Variants in CTNNA3 observed in about 807,000 individuals in gnomAD.
CTNNA3 encodes the protein catenin alpha-3.
In CTNNA3, 76 loss-of-function variants were observed where a neutral mutation model predicts 95.7. The ratio of observed to expected loss-of-function variants is 0.79; its 90% CI spans 0.66 to 0.96. CTNNA3 has a LOEUF of 0.96. Ranked by LOEUF, CTNNA3 falls within the 40% of genes least tolerant of loss-of-function variation. The pLI, the probability that CTNNA3 is intolerant of heterozygous loss-of-function variation, is 0.00. For missense variants in CTNNA3, 1,191 were observed against 1,089.8 expected (o/e 1.09, Z -1.31); for synonymous variants, 431 against 374.4 (o/e 1.15, Z -1.74).
At chr10:67,549,085 G>GT (rs1041272072) in intron 3 of CTNNA3, among the ~76,000 whole-genome samples, 4 of 151,810 alleles carry the variant, frequency 2.6e-5, no homozygotes, top group South Asian at 2.1e-4. Flanking sequence ...CTTTGAATAA[G>GT]TTTTTTTTAT....
intron 17 of CTNNA3, among the ~76,000 whole-genome samples, chr10:65,922,522 A>C (rs1035602181): frequency 6.6e-6 from 1 of 152,202 alleles, no homozygotes; most frequent in African/African-American, 2.4e-5. Context: ...CAATACACAT[A>C]TCAATAAGGC....
chr10:66,613,994 C>T (rs549468076), intron 10 of CTNNA3, among the ~76,000 whole-genome samples: 4 of 152,146 alleles, frequency 2.6e-5, no homozygotes, highest in African/African-American at 9.6e-5. Flanking sequence ...GACAACTTCT[C>T]TACCAGAAAA....
intron 12 of CTNNA3, among the ~76,000 whole-genome samples, chr10:66,360,895 TTCTTTCTC>T: frequency 7.4e-6 from 1 of 135,738 alleles, no homozygotes; most frequent in Non-Finnish European, 1.6e-5. Context: ...TTTTCTTTAT[TTCTTTCTC>T]TCTCTCTCTC....
chr10:66,611,677 A>T (rs1466455594), intron 10 of CTNNA3, among the ~76,000 whole-genome samples: 1 of 151,940 alleles, frequency 6.6e-6, no homozygotes, highest in Non-Finnish European at 1.5e-5. Flanking sequence ...GTCAGTACTC[A>T]TCCCTCTGGA....
intron 7 of CTNNA3, among the ~76,000 whole-genome samples, chr10:67,153,132 C>T (rs1345898334): frequency 6.6e-6 from 1 of 152,084 alleles, no homozygotes; most frequent in African/African-American, 2.4e-5. Flanking sequence ...CCCACCACCA[C>T]ACCCAGCTAA....
chr10:67,045,685 C>T (rs1854693474), intron 7 of CTNNA3, among the ~76,000 whole-genome samples: 1 of 152,124 alleles, frequency 6.6e-6, no homozygotes, highest in Admixed American at 6.5e-5. Flanking sequence ...CGGGATGGGG[C>T]GGCCCCCAGG....
intron 5 of CTNNA3, among the ~76,000 whole-genome samples, chr10:67,342,049 G>T (rs187809287): frequency 7.2e-6 from 1 of 138,946 alleles, no homozygotes; most frequent in Admixed American, 7.1e-5. Flanking sequence ...CTTTTGATTC[G>T]TAGTTTCCCA....
intron 15 of CTNNA3, among the ~76,000 whole-genome samples, chr10:66,045,831 C>T (rs1031018710): frequency 6.6e-6 from 1 of 152,174 alleles, no homozygotes; most frequent in Admixed American, 6.5e-5. Context: ...CAGCTGTATT[C>T]TTCATAGATA....
intron 7 of CTNNA3, among the ~76,000 whole-genome samples, chr10:67,149,357 G>A (rs1454285708): frequency 6.6e-6 from 1 of 152,032 alleles, no homozygotes; most frequent in African/African-American, 2.4e-5. Flanking sequence ...AGGCCGAGGC[G>A]GGCAGATCAT....
chr10:67,005,799 C>A (rs1001215357), intron 7 of CTNNA3, among the ~76,000 whole-genome samples: 16 of 144,948 alleles, frequency 1.1e-4, no homozygotes, highest in Non-Finnish European at 2.2e-4. Flanking sequence ...GATTCTCCTG[C>A]CTCAGCCTCC....
chr10:66,857,902 C>G (rs1483014535), intron 7 of CTNNA3, among the ~76,000 whole-genome samples: 5 of 152,078 alleles, frequency 3.3e-5, no homozygotes, highest in African/African-American at 9.7e-5. Context: ...TAATTTCTTG[C>G]TCTTGCCTGA....
chr10:67,721,457 ATACT>A lies in CTNNA3; in HGVS notation c.-2+41973_-2+41976del, dbSNP rs1841179482. 2.0e-5 allele frequency among the ~76,000 whole-genome samples: 3 copies of A among 151,982 alleles called. No homozygotes were observed. The South Asian group carries it at 6.2e-4, about 32-fold the overall frequency. ...TTCCACTTGATTGATTTGGCTATTG[ATACT>A]TACGTATGCTTCACAACGTTCTCGT... On this transcript the variant is annotated intron_variant, in intron 1 of 17. Transcript: ENST00000684154.
In CTNNA3 at chr10:67,579,045, A is replaced by G. The variant is rs927473500; in HGVS notation, c.292+27812T>C. On this transcript the variant is annotated intron_variant, in intron 3 of 17. Coordinates refer to ENST00000433211, the MANE Select transcript of CTNNA3 (RefSeq NM_013266.4). Reference sequence around the variant, plus strand: ...TATATATATATATACACACACACACATATATGCATATATATACAGTTGTTA... The same window carrying G: ...TATATATATATATACACACACACACGTATATGCATATATATACAGTTGTTA... 4.1e-5 allele frequency among the ~76,000 whole-genome samples: 6 copies of G among 145,048 alleles called. No individual in the cohort carries two copies. The Admixed American group carries it at 4.2e-4, about 10-fold the overall frequency.
chr10:66,748,897 G>A (rs72802609), intron 9 of CTNNA3, among the ~76,000 whole-genome samples: 9,991 of 151,892 alleles, frequency 0.066, 457 homozygotes, highest in Middle Eastern at 0.095. Flanking sequence ...CCTAGGTTGG[G>A]CACGGTGGCT....
At chr10:66,135,633 T>C (rs1204172687) in intron 13 of CTNNA3, among the ~76,000 whole-genome samples, 1 of 152,150 alleles carries the variant, frequency 6.6e-6, no homozygotes, top group Non-Finnish European at 1.5e-5. Flanking sequence ...GGTAAAAGTG[T>C]TGTTGAACAA....
At chr10:66,895,026 G>A (rs1327711773) in intron 7 of CTNNA3, among the ~76,000 whole-genome samples, 1 of 125,784 alleles carries the variant, frequency 8.0e-6, no homozygotes, top group Non-Finnish European at 1.6e-5. Context: ...ATTGGCGAGA[G>A]CTATAGAGAA....
chr10:66,061,365 G>A (rs10509255), intron 15 of CTNNA3, among the ~76,000 whole-genome samples: 12,625 of 152,102 alleles, frequency 0.083, 785 homozygotes, highest in East Asian at 0.19. Context: ...TGCTGATACA[G>A]TACTTTCTAT....
chr10:66,260,565 GA>G (rs953184022), intron 13 of CTNNA3, among the ~76,000 whole-genome samples: 1 of 151,992 alleles, frequency 6.6e-6, no homozygotes, highest in Non-Finnish European at 1.5e-5. Flanking sequence ...ACCTTCAGAG[GA>G]CAAAAGGGAA....
chr10:66,031,703 C>A (rs940754493), intron 15 of CTNNA3, among the ~76,000 whole-genome samples: 38 of 152,098 alleles, frequency 2.5e-4, no homozygotes, highest in African/African-American at 8.7e-4. Context: ...ATGTCCTGAA[C>A]CTAAAAGTTG....
Sources: allele counts gnomAD v4.1 joint callset (sites outside exome capture counted in the v4.1 genomes callset), GRCh38; gene constraint gnomAD v4.1.1; transcripts MANE v1.5; gene names NCBI Gene and HGNC (gene_info 2026-07-23, HGNC 2026-07-21).